The following DMXL1 variants were observed in gnomAD, a reference collection of about 807,000 sequenced individuals.
DMXL1 encodes the protein Dmx like 1.
A neutral mutation model predicts 319.2 loss-of-function variants in DMXL1; 99 were observed. The observed-to-expected ratio is 0.31, with a 90% CI of 0.26 to 0.37. The LOEUF (loss-of-function observed/expected upper bound fraction) is 0.37, where lower values mean the gene tolerates loss of function less well. Among genes scored for constraint, DMXL1 ranks in the 10% least tolerant of loss-of-function variants. The pLI is 1.00. For synonymous variants in DMXL1, 1,385 were observed against 1,235.2 expected, an observed-to-expected ratio of 1.12 and a Z score of -2.54; for missense variants, 3,745 against 3,595.6, an observed-to-expected ratio of 1.04 and a Z score of -1.06.
At position 119,247,098 on chromosome 5, in the gene DMXL1, C is replaced by T. The variant is rs766173747; in HGVS notation, c.9026C>T (p.Thr3009Ile). ...NIGTGVMQIETGPANHIFSCG... is the reference protein window; with the variant it reads ...NIGTGVMQIEIGPANHIFSCG... The stretch of plus-strand genomic sequence containing the variant: ...GGAACTGGAGTGATGCAAATTGAGA[C>T]AGGGCCTGCAAATCACATTTTCTCC... Residue 3009 changes from threonine (T) to isoleucine (I), a missense_variant, in exon 44 of 44, where the codon ACA (threonine) becomes ATA (isoleucine). Transcript: ENST00000539542. The T allele has an allele frequency of 6.2e-7, 1 of 1,614,060 alleles. No individual in the cohort carries two copies. The highest frequency in any genetic ancestry group is 1.1e-5 in the South Asian group (1 of 91,068).
At chr5:119,206,662 A>C (rs1466772858) in intron 33 of DMXL1, 172 bp from the exon 34 acceptor site, 1 of 440,186 alleles carries the variant, frequency 2.3e-6, no homozygotes, top group African/African-American at 2.1e-5. Flanking sequence ...CTAACCATGC[A>C]CCCTCACACA....
chr5:119,189,576 G>C, intron 28 of DMXL1, 132 bp from the exon 29 acceptor site: 1 of 791,004 alleles, frequency 1.3e-6, no homozygotes. Context: ...TACCTGCTGT[G>C]TACTTTCATA....
Position 119,101,938 on chromosome 5 carries a change from G to A in DMXL1, c.217G>A (p.Ala73Thr). The change falls in exon 3 of 44, where the codon GCA becomes ACA. Residue 73 changes from alanine (A) to threonine (T), a missense_variant. By Grantham distance (58) the Ala-to-Thr change is moderately conservative. This residue lies in a region of DMXL1 where 2,096 missense variants were observed against 1,985.4 expected (regional missense o/e 1.06). Coordinates refer to ENST00000539542, the MANE Select transcript of DMXL1 (RefSeq NM_001290321.3). ...VDCSMQQGKI[A>T]ASYGNVISIF... is the part of the protein sequence containing the mutation. The stretch of plus-strand genomic sequence containing the variant: ...ATTCTTTTTTTCTTTTTAAAAGATT[G>A]CAGCGTCTTATGGAAATGTTATCTC... The A allele has an allele frequency of 1.3e-6, 2 of 1,593,412 alleles. No individual in the cohort carries two copies. Among genetic ancestry groups the A allele is most frequent in the Non-Finnish European group, 1.7e-6 (2 of 1,170,160 alleles).
At chr5:119,178,502 TTG>T (rs1776239694) in intron 28 of DMXL1, 6 of 560,974 alleles carry the variant, frequency 1.1e-5, no homozygotes, top group South Asian at 1.6e-4. Flanking sequence ...AAACTTTCAT[TTG>T]TTTTGAAACA....
At chr5:119,207,348 T>C (rs1781923684) in intron 34 of DMXL1, among the ~76,000 whole-genome samples, 1 of 152,092 alleles carries the variant, frequency 6.6e-6, no homozygotes, top group African/African-American at 2.4e-5. Flanking sequence ...ATATAGTAAA[T>C]ACTGTTACAT....
intron 40 of DMXL1, among the ~76,000 whole-genome samples, chr5:119,238,531 T>A (rs1788167921): frequency 6.6e-6 from 1 of 152,166 alleles, no homozygotes; most frequent in African/African-American, 2.4e-5. Context: ...TATATGTCAA[T>A]TATTTAACAA....
intron 19 of DMXL1, among the ~76,000 whole-genome samples, chr5:119,156,349 G>A (rs1187366127): frequency 6.6e-6 from 1 of 152,192 alleles, no homozygotes; most frequent in African/African-American, 2.4e-5. Flanking sequence ...ACAGTATGAT[G>A]TAACCATAGC....
At chr5:119,195,449 AT>A (rs1454475841) in intron 30 of DMXL1, among the ~76,000 whole-genome samples, 5 of 152,256 alleles carry the variant, frequency 3.3e-5, no homozygotes, top group African/African-American at 1.2e-4. Flanking sequence ...TGCAACATGG[AT>A]ATAATGCTAA....
At position 119,188,915 on chromosome 5, in the gene DMXL1, G is replaced by T. The variant is rs564336235; in HGVS notation, c.7136-793G>T. The stretch of plus-strand genomic sequence containing the variant: ...GGAAGGTGAGTAAAATCTCATCGGA[G>T]CCATTAAAGGAGAATATTGGTGTGC... On this transcript the variant is annotated intron_variant, in intron 28 of 43. Coordinates refer to ENST00000539542, the MANE Select transcript of DMXL1 (RefSeq NM_001290321.3). Among the ~76,000 whole-genome samples, 3 of 152,294 alleles carry T rather than the reference G, an allele frequency of 2.0e-5. No homozygotes were observed. In the South Asian group the frequency reaches 6.2e-4, roughly 32 times the overall value.
intron 25 of DMXL1, among the ~76,000 whole-genome samples, chr5:119,174,024 G>A (rs939172819): frequency 6.6e-6 from 1 of 151,668 alleles, no homozygotes; most frequent in Non-Finnish European, 1.5e-5. Flanking sequence ...TCTGAAGACA[G>A]GAAAAGCAAT....
At chr5:119,186,351 A>G (rs889415317) in intron 28 of DMXL1, among the ~76,000 whole-genome samples, 2 of 151,752 alleles carry the variant, frequency 1.3e-5, no homozygotes, top group African/African-American at 4.8e-5. Context: ...GCTCACTGCA[A>G]CCTCCACCTC....
At chr5:119,169,411 G>A (rs1400312549) in intron 23 of DMXL1, among the ~76,000 whole-genome samples, 1 of 152,182 alleles carries the variant, frequency 6.6e-6, no homozygotes, top group Non-Finnish European at 1.5e-5. Flanking sequence ...GATAAGGAGT[G>A]TAAAGGAATT....
intron 26 of DMXL1, 46 bp from the exon 27 acceptor site, chr5:119,177,311 T>A (rs1775990075): frequency 7.7e-7 from 1 of 1,299,522 alleles, no homozygotes; most frequent in Non-Finnish European, 1.0e-6. Flanking sequence ...CATGAAAATA[T>A]TATATAAAAT....
chr5:119,220,132 G>A (rs142637342), intron 35 of DMXL1, among the ~76,000 whole-genome samples: 7 of 151,806 alleles, frequency 4.6e-5, no homozygotes, highest in African/African-American at 1.7e-4. Flanking sequence ...TACCCTACAG[G>A]TTCCTATCTT....
intron 1 of DMXL1, among the ~76,000 whole-genome samples, chr5:119,086,863 T>G (rs1375249929): frequency 1.3e-5 from 2 of 152,144 alleles, no homozygotes; most frequent in Non-Finnish European, 2.9e-5. Flanking sequence ...CTTTTTATTA[T>G]GGCTTCCATC....
chr5:119,124,202 C>G (rs62374139), intron 9 of DMXL1, among the ~76,000 whole-genome samples: 4,092 of 151,484 alleles, frequency 0.027, 199 homozygotes, highest in Admixed American at 0.13. Flanking sequence ...GTAGTCCCAG[C>G]TACTTGGGAG....
At chr5:119,174,809 A>G (rs1236009565) in intron 25 of DMXL1, among the ~76,000 whole-genome samples, 1 of 151,610 alleles carries the variant, frequency 6.6e-6, no homozygotes, top group African/African-American at 2.4e-5. Flanking sequence ...CTCTAGTTTC[A>G]CTCTCTTCAA....
chr5:119,201,915 T>C (rs1780776331), intron 32 of DMXL1, among the ~76,000 whole-genome samples: 1 of 151,322 alleles, frequency 6.6e-6, no homozygotes, highest in African/African-American at 2.4e-5. Context: ...AGTGGTAACA[T>C]CTCCTTGGTC....
intron 1 of DMXL1, among the ~76,000 whole-genome samples, chr5:119,091,016 T>G (rs911139737): frequency 6.6e-6 from 1 of 152,134 alleles, no homozygotes; most frequent in African/African-American, 2.4e-5. Flanking sequence ...TTTAAAAATA[T>G]TTCAATCTGT....
Sources: allele counts gnomAD v4.1 joint callset (sites outside exome capture counted in the v4.1 genomes callset), GRCh38; gene constraint gnomAD v4.1.1; regional missense constraint gnomAD v4.1.1; transcripts MANE v1.5; gene names NCBI Gene and HGNC (gene_info 2026-07-23, HGNC 2026-07-21).